The following PDZD2 variants were observed in gnomAD, a reference collection of about 807,000 sequenced individuals.
PDZD2 encodes the protein PDZ domain-containing protein 2.
PDZD2 carries 90 observed loss-of-function variants against 220.7 expected under a neutral mutation model. The ratio of observed to expected loss-of-function variants is 0.41; its 90% confidence interval spans 0.34 to 0.49. The LOEUF (loss-of-function observed/expected upper bound fraction) is 0.49, where lower values mean the gene tolerates loss of function less well. Among genes scored for constraint, PDZD2 ranks in the 20% least tolerant of loss-of-function variants. The pLI is 0.28. For synonymous variants in PDZD2, 1,375 were observed against 1,450.5 expected (o/e 0.95, Z 1.18); for missense variants, 3,174 against 3,608.5 (o/e 0.88, Z 3.08).
At chr5:31,987,648 A>G (rs1033220410) in intron 3 of PDZD2, among the ~76,000 whole-genome samples, 6 of 152,090 alleles carry the variant, frequency 3.9e-5, no homozygotes, top group African/African-American at 1.4e-4. Context: ...TCTTGGATAT[A>G]TTTCACATCA....
chr5:32,006,344 G>A (rs1039664163), intron 5 of PDZD2, among the ~76,000 whole-genome samples: 1 of 125,772 alleles, frequency 8.0e-6, no homozygotes, highest in Non-Finnish European at 1.6e-5. Flanking sequence ...TTCCATGTTA[G>A]GAAGTACAAT....
At chr5:31,722,648 C>T (rs1184929453) in intron 1 of PDZD2, among the ~76,000 whole-genome samples, 1 of 151,714 alleles carries the variant, frequency 6.6e-6, no homozygotes, top group Non-Finnish European at 1.5e-5. Context: ...TTCCTCTTTG[C>T]TAGAACTGCA....
rs1208113852 is a variant in PDZD2, at chr5:31,717,716, C to T, written c.-361+78279C>T. On this transcript the variant is annotated intron_variant, in intron 1 of 24. Transcript: ENST00000438447. The stretch of plus-strand genomic sequence containing the variant: ...AGTGGGACGTCCCCATTCCGTTGTC[C>T]TCTGTGCCACGCAGAGCCTGAGCAC... Among the ~76,000 whole-genome samples the T allele has an allele frequency of 2.0e-5, 3 of 152,316 alleles. No homozygotes were observed. In the East Asian group the frequency reaches 5.8e-4, roughly 29 times the overall value.
intron 2 of PDZD2, among the ~76,000 whole-genome samples, chr5:31,914,273 CG>C (rs1272901517): frequency 3.9e-5 from 6 of 152,172 alleles, no homozygotes; most frequent in Admixed American, 2.0e-4. Context: ...GGCTCACGCC[CG>C]TAATCCCAAT....
At chr5:31,943,000 C>T (rs34228454) in intron 2 of PDZD2, among the ~76,000 whole-genome samples, 21,121 of 152,086 alleles carry the variant, frequency 0.14, 1,816 homozygotes, top group South Asian at 0.24. Context: ...GTCAGGAGTT[C>T]GAGACCAGCC....
intron 1 of PDZD2, among the ~76,000 whole-genome samples, chr5:31,780,477 T>C (rs1054094758): frequency 2.6e-5 from 4 of 152,166 alleles, no homozygotes; most frequent in African/African-American, 7.2e-5. Flanking sequence ...AACATTAAAG[T>C]AGAGCATTTT....
At chr5:32,101,359 T>A in intron 24 of PDZD2, 120 bp downstream of exon 24, 1 of 933,962 alleles carries the variant, frequency 1.1e-6, no homozygotes, top group Non-Finnish European at 1.6e-6. Flanking sequence ...TAATGCTTTG[T>A]GACATACAAG....
At chr5:31,674,840 G>C (rs1250547074) in intron 1 of PDZD2, among the ~76,000 whole-genome samples, 1 of 152,118 alleles carries the variant, frequency 6.6e-6, no homozygotes, top group African/African-American at 2.4e-5. Flanking sequence ...CGCCCTTCCA[G>C]GTGGGGGCTG....
At chr5:31,850,162 ATG>A (rs1757941627) in intron 2 of PDZD2, among the ~76,000 whole-genome samples, 1 of 133,758 alleles carries the variant, frequency 7.5e-6, no homozygotes, top group African/African-American at 2.9e-5. Flanking sequence ...ATGTGTATAT[ATG>A]TATATATAAG....
At chr5:31,848,866 G>A (rs1315933449) in intron 2 of PDZD2, among the ~76,000 whole-genome samples, 4 of 152,074 alleles carry the variant, frequency 2.6e-5, no homozygotes, top group Admixed American at 6.6e-5. Context: ...TGGCTAACAC[G>A]GTGAAACCCC....
In PDZD2 at chr5:31,872,142, G is replaced by GGT. The variant is rs55806241; in HGVS notation, c.476+72445_476+72446dup. ...TTGTGTTGAGCAGATTAAGGTGAGT[G>GGT]GTGTGTGTGTGTGTGTGTGTGTGTG... On this transcript the variant is annotated intron_variant, in intron 2 of 24. Transcript: ENST00000438447. Among the ~76,000 whole-genome samples the GGT allele has an allele frequency of 5.8e-3, 861 of 147,772 alleles. 5 individuals are homozygous for GGT. Among genetic ancestry groups the GGT allele is most frequent in the East Asian group, 0.04 (200 of 4,996 alleles).
intron 1 of PDZD2, among the ~76,000 whole-genome samples, chr5:31,768,122 C>A (rs756206006): frequency 6.6e-6 from 1 of 152,182 alleles, no homozygotes; most frequent in Non-Finnish European, 1.5e-5. Flanking sequence ...GGAGTTAGGT[C>A]TCTCCAGTGA....
At chr5:31,879,987 C>T (rs1173614721) in intron 2 of PDZD2, among the ~76,000 whole-genome samples, 1 of 149,760 alleles carries the variant, frequency 6.7e-6, no homozygotes, top group African/African-American at 2.5e-5. Flanking sequence ...GATCTCAGCT[C>T]ACCACAACCT....
At chr5:31,679,810 C>T (rs1472913788) in intron 1 of PDZD2, among the ~76,000 whole-genome samples, 1 of 152,158 alleles carries the variant, frequency 6.6e-6, no homozygotes, top group Non-Finnish European at 1.5e-5. Context: ...CATGCCTGGC[C>T]TGAATATCAG....
intron 6 of PDZD2, among the ~76,000 whole-genome samples, chr5:32,014,937 C>CT (rs1753665237): frequency 2.9e-5 from 2 of 68,038 alleles, no homozygotes; most frequent in African/African-American, 6.2e-5. Context: ...CTCAATCTCT[C>CT]TCTTTTTTTT....
At position 32,033,409 on chromosome 5, in the gene PDZD2, A is replaced by G. The variant is rs151160980; in HGVS notation, c.1408-3822A>G. Among the ~76,000 whole-genome samples, 1,298 of 152,300 alleles carry G rather than the reference A, an allele frequency of 8.5e-3. 18 individuals carry two copies. The highest frequency in any genetic ancestry group is 0.03 in the African/African-American group (1,235 of 41,564). On this transcript the variant is annotated intron_variant, in intron 6 of 24. Coordinates refer to ENST00000438447, the MANE Select transcript of PDZD2 (RefSeq NM_178140.4). Reference sequence around the variant, plus strand: ...TTACAAGTCGTCTAATATCACAACAAACTCAACGAAAAAACAGTTTTTTGT... The same window carrying G: ...TTACAAGTCGTCTAATATCACAACAGACTCAACGAAAAAACAGTTTTTTGT...
chr5:32,058,779 T>TA (rs1200271751), intron 12 of PDZD2, among the ~76,000 whole-genome samples: 3 of 152,044 alleles, frequency 2.0e-5, no homozygotes. Flanking sequence ...CACTAGTAAC[T>TA]AGAATTCATG....
At position 31,840,792 on chromosome 5, in the gene PDZD2, G is replaced by A. The variant is rs78607307; in HGVS notation, c.476+41068G>A. On this transcript the variant is annotated intron_variant, in intron 2 of 24. Coordinates refer to ENST00000438447, the MANE Select transcript of PDZD2 (RefSeq NM_178140.4). ...CTGGGGAACATTGTAGACTCTTCCC[G>A]TTTTGCCATGGTGACACCTGTGGGG... 2,905 of 802,392 alleles carry A rather than the reference G, an allele frequency of 3.6e-3. 43 individuals are homozygous for A. The East Asian group carries it at 0.045, about 12-fold the overall frequency. The allele number at this position is 802,392 out of a possible 1,614,324, so 49.7% of individuals were successfully genotyped here. A position where few individuals can be genotyped will look rare whatever the true frequency, so the allele number is the denominator to read the frequency against.
chr5:31,882,200 A>G (rs1739993966), intron 2 of PDZD2, among the ~76,000 whole-genome samples: 1 of 152,190 alleles, frequency 6.6e-6, no homozygotes, highest in Admixed American at 6.5e-5. Flanking sequence ...TTCCACTGTT[A>G]TGAAGCATAA....
Sources: gnomAD v4.1 joint callset for allele counts (sites outside exome capture counted in the v4.1 genomes callset) on GRCh38, gnomAD v4.1.1 for gene constraint, MANE v1.5 for transcripts, NCBI Gene and HGNC (gene_info 2026-07-23, HGNC 2026-07-21) for gene names.